DLAT: variants seen among roughly 807,000 people sequenced by gnomAD.
The protein encoded by DLAT is dihydrolipoamide S-acetyltransferase.
DLAT carries 43 observed loss-of-function variants against 68.0 expected under a neutral mutation model. The observed-to-expected ratio is 0.63, with a 90% CI of 0.50 to 0.81. The LOEUF is 0.81. DLAT is among the 40% of genes least tolerant of loss of function. The probability of loss-of-function intolerance (pLI) is 0.00; values close to 1 mark genes in which losing one functional copy is unlikely to be tolerated. For missense variants in DLAT, 745 were observed against 815.4 expected (o/e 0.91, Z 1.05); for synonymous variants, 265 against 288.6 (o/e 0.92, Z 0.83).
At chr11:112,045,713 G>A (rs2137794568) in intron 9 of DLAT, 150 bp from the exon 10 acceptor site, 1 of 598,634 alleles carries the variant, frequency 1.7e-6, no homozygotes, top group South Asian at 2.0e-5. Flanking sequence ...TCTAGGAGGT[G>A]TTATATTATG....
chr11:112,051,382 G>T lies in DLAT; in HGVS notation c.1514+33G>T. On this transcript the variant is annotated intron_variant, in intron 11 of 13. Coordinates refer to ENST00000280346, the MANE Select transcript of DLAT (RefSeq NM_001931.5). This position sits in a 1 kb window ranked among gnomAD's most constrained non-coding sequence, Gnocchi z 4.3. The stretch of plus-strand genomic sequence containing the variant: ...TAACTGGGGAAGATATATATCCATC[G>T]GTAGTTTTCTTGTATTATTTAATGT... The T allele has an allele frequency of 6.8e-7, 1 of 1,462,984 alleles. No individual in the cohort carries two copies. 90.6% of individuals were successfully genotyped at this position (1,462,984 alleles called of 1,614,324 possible).
intron 4 of DLAT, among the ~76,000 whole-genome samples, chr11:112,032,107 C>G (rs1196549565): frequency 6.6e-6 from 1 of 151,588 alleles, no homozygotes; most frequent in Admixed American, 6.6e-5. Flanking sequence ...GTCTTGAACT[C>G]CTGGCCTCAA....
intron 8 of DLAT, 115 bp downstream of exon 8, chr11:112,043,648 C>T (rs1555181203): frequency 9.7e-7 from 1 of 1,034,628 alleles, no homozygotes; most frequent in Non-Finnish European, 1.5e-6. Context: ...CTTCTAATTT[C>T]AGTGGTTTAA....
At chr11:112,032,892 C>G (rs1405325498) in intron 4 of DLAT, among the ~76,000 whole-genome samples, 1 of 152,092 alleles carries the variant, frequency 6.6e-6, no homozygotes, top group East Asian at 1.9e-4. Flanking sequence ...CATGGTAAAA[C>G]CCCATCTCTA....
chr11:112,036,362 C>T (rs1476371639), intron 5 of DLAT, among the ~76,000 whole-genome samples: 6 of 150,006 alleles, frequency 4.0e-5, no homozygotes, highest in Non-Finnish European at 5.9e-5. Flanking sequence ...TACAGGCATG[C>T]GCCACCATGC....
intron 6 of DLAT, among the ~76,000 whole-genome samples, chr11:112,037,802 A>G (rs1555180688): frequency 6.6e-6 from 1 of 150,594 alleles, no homozygotes; most frequent in African/African-American, 2.5e-5. Context: ...TTAAGAGACA[A>G]GGTCTCACCC....
intron 12 of DLAT, among the ~76,000 whole-genome samples, chr11:112,060,650 G>GGT (rs1269855716): frequency 1.3e-5 from 2 of 151,932 alleles, no homozygotes; most frequent in African/African-American, 4.8e-5. Context: ...GTTTTTAGTA[G>GGT]TGTCGGGGTT....
At chr11:112,046,095 G>T (rs782414129) in intron 10 of DLAT, 125 bp downstream of exon 10, 4 of 634,126 alleles carry the variant, frequency 6.3e-6, no homozygotes, top group Non-Finnish European at 1.1e-5. Flanking sequence ...TCTTGATCTT[G>T]TCCTTTGAAG....
chr11:112,059,399 G>A (rs1358989762), intron 11 of DLAT, among the ~76,000 whole-genome samples: 1 of 150,982 alleles, frequency 6.6e-6, no homozygotes, highest in Non-Finnish European at 1.5e-5. Context: ...TCAGGGGCAG[G>A]GGCAGCGTTG....
chr11:112,060,975 T>C (rs1162736254), intron 12 of DLAT, 63 bp from the exon 13 acceptor site: 3 of 1,455,332 alleles, frequency 2.1e-6, no homozygotes, highest in Non-Finnish European at 2.8e-6. Context: ...TCACAGAACA[T>C]TTGTCAAGTT....
chr11:112,045,665 G>T (rs1485850120), intron 9 of DLAT, among the ~76,000 whole-genome samples, 198 bp from the exon 10 acceptor site: 1 of 150,912 alleles, frequency 6.6e-6, no homozygotes, highest in Non-Finnish European at 1.5e-5. Flanking sequence ...TCCAGCCTGG[G>T]CAACATAGCG....
At chr11:112,061,816 C>T (rs1272571531) in intron 13 of DLAT, among the ~76,000 whole-genome samples, 2 of 152,176 alleles carry the variant, frequency 1.3e-5, no homozygotes, top group Non-Finnish European at 2.9e-5. Flanking sequence ...ATCCTGACCT[C>T]AAATGATCTG....
At position 112,025,468 on chromosome 11, in the gene DLAT, G is replaced by T. The variant is rs1861931980; in HGVS notation, c.-5G>T. 5.0e-6 allele frequency: 8 copies of T among 1,611,102 alleles called. No individual in the cohort carries two copies. Among genetic ancestry groups the T allele is most frequent in the Non-Finnish European group, 5.9e-6 (7 of 1,179,430 alleles). On this transcript the variant is annotated 5_prime_UTR_variant, in exon 1 of 14. Transcript: ENST00000280346. ...GGTTTTGGGGTGTGGGGGGTTGGTG[G>T]CACTATGTGGCGCGTCTGTGCGCGA...
In DLAT at chr11:112,045,757, T is replaced by G. The variant is rs587758344; in HGVS notation, c.1291-106T>G. On this transcript the variant is annotated intron_variant, in intron 9 of 13. Transcript: ENST00000280346. Reference sequence around the variant, plus strand: ...CTCCATCTTTCAATTATAATAATGCTTGAGGTAAGTATTAGCAGAGAGTAA... The same window carrying G: ...CTCCATCTTTCAATTATAATAATGCGTGAGGTAAGTATTAGCAGAGAGTAA... 1.4e-3 allele frequency: 1,032 copies of G among 716,510 alleles called. 1 individual carries two copies. Among genetic ancestry groups the G allele is most frequent in the Non-Finnish European group, 2.0e-3 (809 of 408,162 alleles). The allele number at this position is 716,510 out of a possible 1,614,324, so 44.4% of individuals were successfully genotyped here.
chr11:112,049,410 C>T (rs1755387798), intron 10 of DLAT, among the ~76,000 whole-genome samples: 1 of 152,116 alleles, frequency 6.6e-6, no homozygotes, highest in Admixed American at 6.5e-5. Flanking sequence ...TCTCTTTCAA[C>T]AGTTTTTTTA....
chr11:112,054,127 G>A (rs1863850080), intron 11 of DLAT, among the ~76,000 whole-genome samples: 1 of 151,694 alleles, frequency 6.6e-6, no homozygotes, highest in Admixed American at 6.6e-5. Context: ...TGGCCAACAT[G>A]GTGAAACCCT....
At chr11:112,045,114 A>C in intron 8 of DLAT, 24 bp from the exon 9 acceptor site, 1 of 1,589,670 alleles carries the variant, frequency 6.3e-7, no homozygotes, top group Non-Finnish European at 8.6e-7. Context: ...ACAGTTACTA[A>C]GAGCTTTTTC....
Position 112,062,529 on chromosome 11 carries a change from G to A in DLAT, c.1938G>A (p.Leu646=). ...ACCTTGAAAAACCTATCACTATGTT[G>A]TTGTAACTAACTCAAGAATTTCTAA... ...RKYLEKPITM[L]L Residue 646 remains leucine (L), a synonymous_variant, in exon 14 of 14, where the codon TTG becomes TTA. Transcript: ENST00000280346. 1 of 1,612,300 alleles carries A rather than the reference G, an allele frequency of 6.2e-7. No homozygotes were observed. The highest frequency in any genetic ancestry group is 8.5e-7 in the Non-Finnish European group (1 of 1,179,928).
At chr11:112,043,085 G>A (rs782690949) in intron 7 of DLAT, among the ~76,000 whole-genome samples, 58 of 152,322 alleles carry the variant, frequency 3.8e-4, no homozygotes, top group Middle Eastern at 3.4e-3. Flanking sequence ...GAGGCAGCTA[G>A]TTTCCCTTTT....
Sources: allele counts gnomAD v4.1 joint callset (sites outside exome capture counted in the v4.1 genomes callset), GRCh38; gene constraint gnomAD v4.1.1; non-coding constraint Gnocchi (gnomAD v3.1); transcripts MANE v1.5; gene names NCBI Gene and HGNC (gene_info 2026-07-23, HGNC 2026-07-21).